SLC35F3: variants seen among roughly 807,000 people sequenced by gnomAD.
The protein encoded by SLC35F3 is putative thiamine transporter SLC35F3.
A neutral mutation model predicts 49.9 loss-of-function variants in SLC35F3; 25 were observed. The ratio of observed to expected loss-of-function variants is 0.50; its 90% CI spans 0.37 to 0.70. SLC35F3 has a LOEUF of 0.70. Among genes scored for constraint, SLC35F3 ranks in the 30% least tolerant of loss-of-function variants. The pLI is 0.00. For synonymous variants in SLC35F3, 275 were observed against 265.4 expected, an observed-to-expected ratio of 1.04 and a Z score of -0.35; for missense variants, 525 against 639.8, an observed-to-expected ratio of 0.82 and a Z score of 1.94.
At chr1:234,167,198 C>G (rs1430468187) in intron 2 of SLC35F3, among the ~76,000 whole-genome samples, 3 of 152,216 alleles carry the variant, frequency 2.0e-5, no homozygotes, top group Non-Finnish European at 4.4e-5. Context: ...GCTGTTCATT[C>G]CAGAATTGGG....
intron 2 of SLC35F3, among the ~76,000 whole-genome samples, chr1:234,068,855 A>ATATATATATG (rs1394500554): frequency 8.5e-6 from 1 of 118,080 alleles, no homozygotes; most frequent in Non-Finnish European, 1.7e-5. Context: ...ATATATATAT[A>ATATATATATG]TGGCATATTT....
At chr1:234,071,540 G>A (rs1157286435) in intron 2 of SLC35F3, among the ~76,000 whole-genome samples, 2 of 152,134 alleles carry the variant, frequency 1.3e-5, no homozygotes, top group Non-Finnish European at 2.9e-5. Context: ...CCTCTGATAG[G>A]AGTAGAGCAT....
intron 2 of SLC35F3, among the ~76,000 whole-genome samples, chr1:233,914,331 G>C (rs146827845): frequency 3.9e-5 from 6 of 152,150 alleles, no homozygotes. Context: ...AGAAGGCAGC[G>C]GCAGGTGTGT....
At chr1:233,978,558 C>G (rs1663129152) in intron 2 of SLC35F3, among the ~76,000 whole-genome samples, 1 of 152,172 alleles carries the variant, frequency 6.6e-6, no homozygotes, top group South Asian at 2.1e-4. Context: ...AAACCTGATG[C>G]TGGGACTGCG....
chr1:234,033,367 C>A lies in SLC35F3; in HGVS notation c.283+127609C>A, dbSNP rs373634089. 5.9e-5 allele frequency among the ~76,000 whole-genome samples: 9 copies of A among 152,202 alleles called. 1 individual carries two copies. The highest frequency in any genetic ancestry group is 3.9e-4 in the Admixed American group (6 of 15,288). On this transcript the variant is annotated intron_variant, in intron 2 of 7. Coordinates refer to ENST00000366618, the MANE Select transcript of SLC35F3 (RefSeq NM_173508.4). ...CGGAAGTTTTTAGTTTAATTAAGTC[C>A]CATCTATTTATCTTTGTTTTTGTTG... is the stretch of plus-strand genomic sequence containing the variant.
chr1:234,233,434 AC>A (rs1179832804), intron 3 of SLC35F3, among the ~76,000 whole-genome samples: 5 of 152,124 alleles, frequency 3.3e-5, no homozygotes, highest in Non-Finnish European at 7.3e-5. Flanking sequence ...CTGAAAGAGG[AC>A]CCCCAAGTGG....
At chr1:233,991,976 T>G (rs1037178427) in intron 2 of SLC35F3, among the ~76,000 whole-genome samples, 1 of 152,190 alleles carries the variant, frequency 6.6e-6, no homozygotes, top group Non-Finnish European at 1.5e-5. Context: ...ATTTAATGGA[T>G]AATTGCTCAA....
chr1:234,037,930 G>A (rs1203054571), intron 2 of SLC35F3, among the ~76,000 whole-genome samples: 1 of 152,102 alleles, frequency 6.6e-6, no homozygotes, highest in Non-Finnish European at 1.5e-5. Flanking sequence ...GTCAGACTGT[G>A]TGTTTTTGTT....
intron 2 of SLC35F3, among the ~76,000 whole-genome samples, chr1:234,063,805 A>G (rs1664578342): frequency 1.3e-5 from 2 of 152,194 alleles, no homozygotes; most frequent in African/African-American, 2.4e-5. Context: ...CCACAATCCC[A>G]GCATGGAGGA....
intron 3 of SLC35F3, among the ~76,000 whole-genome samples, chr1:234,288,995 A>G (rs776951439): frequency 7.9e-5 from 12 of 152,232 alleles, no homozygotes; most frequent in African/African-American, 1.2e-4. Flanking sequence ...TAGACAAAGA[A>G]TAATAAGCAT....
At chr1:234,252,663 A>G (rs189584186) in intron 3 of SLC35F3, among the ~76,000 whole-genome samples, 1 of 152,290 alleles carries the variant, frequency 6.6e-6, no homozygotes, top group East Asian at 1.9e-4. Flanking sequence ...GAATTAAAAC[A>G]TATTTTTATC....
Position 234,115,824 on chromosome 1 carries a change from T to A in SLC35F3, c.284-115593T>A, listed in dbSNP as rs909724016. ...TGTAAACCAAAAAGTATCTGAGACTTATCTCAATCAGTTTTGAGGTTAATT... is the reference window on the plus strand; with the variant it reads ...TGTAAACCAAAAAGTATCTGAGACTAATCTCAATCAGTTTTGAGGTTAATT... On this transcript the variant is annotated intron_variant, in intron 2 of 7. Coordinates refer to ENST00000366618, the MANE Select transcript of SLC35F3 (RefSeq NM_173508.4). Among the ~76,000 whole-genome samples the A allele has an allele frequency of 1.7e-4, 25 of 151,160 alleles. 1 individual carries two copies. The highest frequency in any genetic ancestry group is 7.9e-4 in the Admixed American group (12 of 15,224).
At position 234,050,939 on chromosome 1, in the gene SLC35F3, C is replaced by G. The variant is rs553445203; in HGVS notation, c.283+145181C>G. On this transcript the variant is annotated intron_variant, in intron 2 of 7. Coordinates refer to ENST00000366618, the MANE Select transcript of SLC35F3 (RefSeq NM_173508.4). ...TTTTTGTCAGGTTTGTCAAAGATCACATGGTTGTAGATGTGTGGTATTATT... is the reference window on the plus strand; with the variant it reads ...TTTTTGTCAGGTTTGTCAAAGATCAGATGGTTGTAGATGTGTGGTATTATT... Among the ~76,000 whole-genome samples the G allele has an allele frequency of 6.6e-5, 10 of 152,152 alleles. No individual in the cohort carries two copies. The South Asian group carries it at 1.9e-3, about 28-fold the overall frequency.
chr1:234,228,592 A>T (rs1667322279), intron 2 of SLC35F3, among the ~76,000 whole-genome samples: 1 of 152,204 alleles, frequency 6.6e-6, no homozygotes, highest in Non-Finnish European at 1.5e-5. Context: ...GCCCTGTGAG[A>T]TGTAAAAAGT....
At chr1:234,260,625 C>T (rs768705193) in intron 3 of SLC35F3, among the ~76,000 whole-genome samples, 3 of 152,174 alleles carry the variant, frequency 2.0e-5, no homozygotes, top group Non-Finnish European at 4.4e-5. Flanking sequence ...ATATGAAATT[C>T]AGTTATCTTA....
In SLC35F3 at chr1:233,961,438, C is replaced by CT. The variant is rs1027281750; in HGVS notation, c.283+55691dup. On this transcript the variant is annotated intron_variant, in intron 2 of 7. Transcript: ENST00000366618. ...ACTGACGTGTCCTCATTTCAGCTTT[C>CT]TTTTTTTTTTTCCTCTCTTTTTTTT... 1.5e-3 allele frequency among the ~76,000 whole-genome samples: 202 copies of CT among 137,724 alleles called. 3 individuals carry two copies. In the South Asian group the frequency reaches 0.029, roughly 20 times the overall value. 90.4% of individuals were successfully genotyped at this position (137,724 alleles called of 152,430 possible). A position where few individuals can be genotyped will look rare whatever the true frequency, so the allele number is the denominator to read the frequency against.
intron 2 of SLC35F3, among the ~76,000 whole-genome samples, chr1:234,118,187 C>CA (rs1665521310): frequency 2.0e-5 from 3 of 152,138 alleles, no homozygotes; most frequent in African/African-American, 7.2e-5. Context: ...TGTCATTTTG[C>CA]AAAAACTTGA....
chr1:234,134,030 A>G (rs1020735107), intron 2 of SLC35F3, among the ~76,000 whole-genome samples: 8 of 152,200 alleles, frequency 5.3e-5, no homozygotes, highest in Non-Finnish European at 1.2e-4. Context: ...CGTATAGACC[A>G]TATGTCAGAG....
chr1:233,934,059 T>C (rs920976346), intron 2 of SLC35F3, among the ~76,000 whole-genome samples: 2 of 152,250 alleles, frequency 1.3e-5, no homozygotes, highest in Admixed American at 6.5e-5. Flanking sequence ...TGAAACATGA[T>C]TGCATAACTT....
Sources: allele counts gnomAD v4.1 joint callset (sites outside exome capture counted in the v4.1 genomes callset), GRCh38; gene constraint gnomAD v4.1.1; transcripts MANE v1.5; gene names NCBI Gene and HGNC (gene_info 2026-07-23, HGNC 2026-07-21).